PPP1R3B: variants seen among roughly 807,000 people sequenced by gnomAD.
PPP1R3B encodes PP1 subunit R4.
PPP1R3B carries 8 observed loss-of-function variants against 14.6 expected under a neutral mutation model. That is an observed-to-expected ratio of 0.55 (90% CI 0.32 to 0.99). The LOEUF is 0.99. Among genes scored for constraint, PPP1R3B ranks in the 50% least tolerant of loss-of-function variants. The pLI is 0.04. For missense variants in PPP1R3B, 452 were observed against 360.1 expected (o/e 1.26, Z -2.07); for synonymous variants, 169 against 142.0 (o/e 1.19, Z -1.35).
At position 9,140,727 on chromosome 8, in the gene PPP1R3B, C is replaced by G. The variant is rs1801045558; in HGVS notation, c.*67G>C. 3.2e-6 allele frequency: 5 copies of G among 1,559,782 alleles called. No individual in the cohort carries two copies. The South Asian group carries it at 3.5e-5, about 11-fold the overall frequency. On this transcript the variant is annotated 3_prime_UTR_variant, in exon 2 of 2. Transcript: ENST00000310455. Reference sequence around the variant, plus strand: ...GTTGCTCCTCCCTGGCCTTCCATCTCCACTGCACAGTGAGCAGAGCTAGGC... The same window carrying G: ...GTTGCTCCTCCCTGGCCTTCCATCTGCACTGCACAGTGAGCAGAGCTAGGC...
intron 1 of PPP1R3B, among the ~76,000 whole-genome samples, chr8:9,146,369 C>G (rs1801240875): frequency 6.6e-6 from 1 of 152,168 alleles, no homozygotes; most frequent in Admixed American, 6.5e-5. Flanking sequence ...CACTCTCAAG[C>G]AGCCATGGCC....
At position 9,138,286 on chromosome 8, in the gene PPP1R3B, C is replaced by A. The variant is rs1235509865; in HGVS notation, c.*2508G>T. ...ATGTTTACATAAAACGTGGTTCTGCCCAGTAACAGCATAAGGTAAAAATGT... is the reference window on the plus strand; with the variant it reads ...ATGTTTACATAAAACGTGGTTCTGCACAGTAACAGCATAAGGTAAAAATGT... On this transcript the variant is annotated 3_prime_UTR_variant, in exon 2 of 2. Coordinates refer to ENST00000310455, the MANE Select transcript of PPP1R3B (RefSeq NM_024607.4). 6.6e-6 allele frequency: 1 copy of A among 152,036 alleles called. No homozygotes were observed. Among genetic ancestry groups the A allele is most frequent in the African/African-American group, 2.4e-5 (1 of 41,356 alleles). The allele number at this position is 152,036 out of a possible 1,614,324, so 9.4% of individuals were successfully genotyped here.
intron 1 of PPP1R3B, among the ~76,000 whole-genome samples, chr8:9,147,813 G>C (rs944821447): frequency 6.6e-6 from 1 of 151,998 alleles, no homozygotes; most frequent in African/African-American, 2.4e-5. Flanking sequence ...GCACTTGAAG[G>C]AGCCAAACTG....
At position 9,136,384 on chromosome 8, in the gene PPP1R3B, TTA is replaced by T. The variant is rs1241735018; in HGVS notation, c.*4408_*4409del. On this transcript the variant is annotated 3_prime_UTR_variant, in exon 2 of 2. Coordinates refer to ENST00000310455, the MANE Select transcript of PPP1R3B (RefSeq NM_024607.4). ...CCTTGAACTCTGTGTACAAAAATATTTATCTTTTAAAACATGCAAAAATTTCT... is the reference window on the plus strand; with the variant it reads ...CCTTGAACTCTGTGTACAAAAATATTTCTTTTAAAACATGCAAAAATTTCT... The T allele has an allele frequency of 2.0e-5, 3 of 152,212 alleles. No individual in the cohort carries two copies. Among genetic ancestry groups the T allele is most frequent in the Non-Finnish European group, 2.9e-5 (2 of 68,032 alleles). The allele number at this position is 152,212 out of a possible 1,614,324, so 9.4% of individuals were successfully genotyped here. A position where few individuals can be genotyped will look rare whatever the true frequency, so the allele number is the denominator to read the frequency against.
At chr8:9,142,767 T>C (rs1006723515) in intron 1 of PPP1R3B, among the ~76,000 whole-genome samples, 1 of 152,192 alleles carries the variant, frequency 6.6e-6, no homozygotes, top group Non-Finnish European at 1.5e-5. Flanking sequence ...CATGCTATAT[T>C]TGTCACTCTG....
rs1167564674 is a variant in PPP1R3B at position 9,138,332 on chromosome 8, C to T, written c.*2462G>A. The T allele has an allele frequency of 6.6e-6, 1 of 152,188 alleles. No individual in the cohort carries two copies. The highest frequency in any genetic ancestry group is 1.5e-5 in the Non-Finnish European group (1 of 68,042). The allele number at this position is 152,188 out of a possible 1,614,324, so 9.4% of individuals were successfully genotyped here. The stretch of plus-strand genomic sequence containing the variant: ...AATGTGATTTCCCCTAAAATTATAA[C>T]ATCATGTCATCCTAGAGTGTTACCC... On this transcript the variant is annotated 3_prime_UTR_variant, in exon 2 of 2. Coordinates refer to ENST00000310455, the MANE Select transcript of PPP1R3B (RefSeq NM_024607.4).
Position 9,138,388 on chromosome 8 carries a change from A to T in PPP1R3B, c.*2406T>A, listed in dbSNP as rs1026591742. ...GGAGAGGTACAAAAAACAAAGCATT[A>T]GATTTCAGGCTAAGAACAGCCAGTT... On this transcript the variant is annotated 3_prime_UTR_variant, in exon 2 of 2. Transcript: ENST00000310455. 2.0e-5 allele frequency: 3 copies of T among 152,258 alleles called. No individual in the cohort carries two copies. The highest frequency in any genetic ancestry group is 6.5e-5 in the Admixed American group (1 of 15,290). 9.4% of individuals were successfully genotyped at this position (152,258 alleles called of 1,614,324 possible).
intron 1 of PPP1R3B, among the ~76,000 whole-genome samples, chr8:9,146,609 A>G (rs1434054062): frequency 6.6e-6 from 1 of 152,242 alleles, no homozygotes; most frequent in Non-Finnish European, 1.5e-5. Flanking sequence ...TCAGAGAAAT[A>G]CACATATTCG....
chr8:9,144,863 A>G (rs1801189689), intron 1 of PPP1R3B, among the ~76,000 whole-genome samples: 1 of 152,140 alleles, frequency 6.6e-6, no homozygotes, highest in Non-Finnish European at 1.5e-5. Context: ...CTCCTGCCTT[A>G]GCCTTTCGAG....
chr8:9,141,854 T>A (rs1290879704), intron 1 of PPP1R3B, 186 bp from the exon 2 acceptor site: 1 of 135,972 alleles, frequency 7.4e-6, no homozygotes, highest in East Asian at 1.8e-4. Flanking sequence ...GAAGATTATG[T>A]TGTGGGGGGA....
upstream of PPP1R3B, among the ~76,000 whole-genome samples, chr8:9,150,958 C>G (rs1199696524): frequency 6.6e-6 from 1 of 152,220 alleles, no homozygotes; most frequent in Non-Finnish European, 1.5e-5. Flanking sequence ...AAGCTCCAAA[C>G]CCCACTACCC....
intron 1 of PPP1R3B, among the ~76,000 whole-genome samples, chr8:9,142,954 C>T (rs774771913): frequency 6.6e-6 from 1 of 152,134 alleles, no homozygotes. Context: ...TAGTGAATAA[C>T]GCTGCAATGA....
Position 9,141,361 on chromosome 8 carries a change from G to A in PPP1R3B, c.291C>T (p.Asp97=), listed in dbSNP as rs754873298. 1.9e-6 allele frequency: 3 copies of A among 1,614,090 alleles called. No homozygotes were observed. The highest frequency in any genetic ancestry group is 2.7e-5 in the African/African-American group (2 of 74,928). ...CTGCTGTCGTCAAGCTCACAATGTT[G>A]TCTAGGAGCTCGGTGATGTTGAATG... ...DMPFNITELL[D]NIVSLTTAES... The change falls in exon 2 of 2, where the codon GAC becomes GAT. Residue 97 remains aspartate (D), a synonymous_variant. Coordinates refer to ENST00000310455, the MANE Select transcript of PPP1R3B (RefSeq NM_024607.4).
chr8:9,140,476 TCCAGCTTCA>T lies in PPP1R3B; in HGVS notation c.*309_*317del, dbSNP rs1201292305. Reference sequence around the variant, plus strand: ...GAGTGGAGAGCAGAGGAGAGACTCCTCCAGCTTCATCAGCACTGGCATAGGCTTGATTCC... The same window carrying T: ...GAGTGGAGAGCAGAGGAGAGACTCCTTCAGCACTGGCATAGGCTTGATTCC... On this transcript the variant is annotated 3_prime_UTR_variant, in exon 2 of 2. Coordinates refer to ENST00000310455, the MANE Select transcript of PPP1R3B (RefSeq NM_024607.4). 4 of 361,956 alleles carry T rather than the reference TCCAGCTTCA, an allele frequency of 1.1e-5. No individual in the cohort carries two copies. In the Admixed American group the frequency reaches 1.6e-4, roughly 14 times the overall value. 22.4% of individuals were successfully genotyped at this position (361,956 alleles called of 1,614,324 possible).
At chr8:9,144,394 A>G (rs1801172051) in intron 1 of PPP1R3B, among the ~76,000 whole-genome samples, 1 of 152,050 alleles carries the variant, frequency 6.6e-6, no homozygotes, top group African/African-American at 2.4e-5. Context: ...AGGTCTCACT[A>G]TGTTGCTCAG....
chr8:9,147,512 T>A (rs917537527), intron 1 of PPP1R3B, among the ~76,000 whole-genome samples: 4 of 152,094 alleles, frequency 2.6e-5, no homozygotes, highest in Non-Finnish European at 5.9e-5. Context: ...GTGCTTTTTC[T>A]GCATGTTAGG....
At position 9,140,910 on chromosome 8, in the gene PPP1R3B, T is replaced by C. The variant is rs754538540; in HGVS notation, c.742A>G (p.Ser248Gly). ...KSTQGMTKPH[S>G]GPDLGISFDQ... ...AAGGATATTCCCAAATCCGGTCCAC[T>C]GTGGGGCTTGGTCATTCCCTGGGTA... The change falls in exon 2 of 2, where the codon AGT becomes GGT. Residue 248 changes from serine to glycine, a missense_variant. Physicochemically the swap from Ser to Gly is moderately conservative, Grantham distance 56. Transcript: ENST00000310455. 4.3e-6 allele frequency: 7 copies of C among 1,614,214 alleles called. No homozygotes were observed. In the Admixed American group the frequency reaches 5.0e-5, roughly 12 times the overall value.
At chr8:9,145,116 A>T (rs1270728776) in intron 1 of PPP1R3B, 3 of 152,008 alleles carry the variant, frequency 2.0e-5, no homozygotes, top group Admixed American at 6.5e-5. Context: ...ATGAAAAAAA[A>T]ATATTATATA....
At position 9,140,643 on chromosome 8, in the gene PPP1R3B, A is replaced by C. The variant is rs1801042988; in HGVS notation, c.*151T>G. 1.3e-6 allele frequency: 1 copy of C among 775,080 alleles called. No individual in the cohort carries two copies. The highest frequency in any genetic ancestry group is 1.9e-5 in the South Asian group (1 of 53,512). The allele number at this position is 775,080 out of a possible 1,614,324, so 48.0% of individuals were successfully genotyped here. A position where few individuals can be genotyped will look rare whatever the true frequency, so the allele number is the denominator to read the frequency against. Reference sequence around the variant, plus strand: ...CTGAACCTGGCTGGATTTGCTGTTTAAGAAAGAAGTGAAGAGGATCCTTTT... The same window carrying C: ...CTGAACCTGGCTGGATTTGCTGTTTCAGAAAGAAGTGAAGAGGATCCTTTT... On this transcript the variant is annotated 3_prime_UTR_variant, in exon 2 of 2. Transcript: ENST00000310455.
Sources: allele counts gnomAD v4.1 joint callset (sites outside exome capture counted in the v4.1 genomes callset), GRCh38; gene constraint gnomAD v4.1.1; transcripts MANE v1.5; gene names NCBI Gene and HGNC (gene_info 2026-07-23, HGNC 2026-07-21).